PNMA6E: variants seen among roughly 807,000 people sequenced by gnomAD.
The protein encoded by PNMA6E is paraneoplastic antigen Ma6E.
For synonymous variants in PNMA6E, 43 were observed against 17.1 expected (o/e 2.52, Z -3.74); for missense variants, 78 against 50.8 (o/e 1.53, Z -1.63).
the PNMA6E span, among the ~76,000 whole-genome samples, chrX:153,412,960 C>G: frequency 1.8e-5 from 2 of 111,916 alleles, no homozygotes; most frequent in South Asian, 7.5e-4. Flanking sequence ...AGGACTTTTT[C>G]AGGCTAGGCT....
intron 1 of PNMA6E, among the ~76,000 whole-genome samples, chrX:153,399,801 A>G (rs1556970972): frequency 9.0e-6 from 1 of 111,635 alleles, no homozygotes; most frequent in East Asian, 2.8e-4. Context: ...AGCTTCTTTA[A>G]ATGGACTGTT....
the PNMA6E span, among the ~76,000 whole-genome samples, chrX:153,411,511 C>G: frequency 8.9e-6 from 1 of 112,098 alleles, no homozygotes; most frequent in Non-Finnish European, 1.9e-5. Context: ...CAGACTGAGA[C>G]TCCCCTTCAG....
chrX:153,401,885 C>T (rs1289950901), upstream of PNMA6E, among the ~76,000 whole-genome samples: 9 of 86,586 alleles, frequency 1.0e-4, no homozygotes, highest in Non-Finnish European at 1.5e-4. Context: ...GCTGCAGTGG[C>T]GCAATTTCGG....
At chrX:153,409,563 T>C in the PNMA6E span, among the ~76,000 whole-genome samples, 8 of 113,147 alleles carry the variant, frequency 7.1e-5, no homozygotes, top group Non-Finnish European at 1.5e-4. Flanking sequence ...ATCGTGGGCT[T>C]GTCAAGGTCG....
At chrX:153,402,070 G>C (rs988884119), upstream of PNMA6E, among the ~76,000 whole-genome samples, 1 of 110,665 alleles carries the variant, frequency 9.0e-6, no homozygotes, top group Non-Finnish European at 1.9e-5. Context: ...TGATCCGCCC[G>C]CCTCGGCCTC....
intron 1 of PNMA6E, 100 bp from the exon 2 acceptor site, chrX:153,399,020 C>T (rs1460228731): frequency 1.0e-5 from 3 of 291,036 alleles, no homozygotes; most frequent in Non-Finnish European, 1.8e-5. Flanking sequence ...GCTGGAGTTC[C>T]TCTGCCTCCT....
At chrX:153,401,441 T>G, upstream of PNMA6E, 1 of 111,635 alleles carries the variant, frequency 9.0e-6, no homozygotes, top group Middle Eastern at 4.6e-3. Flanking sequence ...GAAAGAAAGT[T>G]CCAGACTGGT....
the PNMA6E span, among the ~76,000 whole-genome samples, chrX:153,409,878 C>T: frequency 5.3e-5 from 6 of 112,349 alleles, no homozygotes; most frequent in South Asian, 3.7e-4. Flanking sequence ...CAAGGTCGCC[C>T]CAGTCCCCAC....
At chrX:153,405,956 CT>C (rs1360865481), upstream of PNMA6E, among the ~76,000 whole-genome samples, 4 of 112,334 alleles carry the variant, frequency 3.6e-5, no homozygotes, top group African/African-American at 1.3e-4. Context: ...TCCTCCAAGC[CT>C]ACTCTTCTGA....
Position 153,396,661 on chromosome X carries a change from T to G in PNMA6E, c.*245A>C. ...GGCCAGCCCCCCGTGGCGGCAGGGT[T>G]TGGGGCTGGGGCTGGGTGTGCTGGG... On this transcript the variant is annotated 3_prime_UTR_variant, in exon 2 of 2. Coordinates refer to ENST00000445091, the MANE Select transcript of PNMA6E (RefSeq NM_001367770.1). 1 of 221,540 alleles carries G rather than the reference T, an allele frequency of 4.5e-6. No individual in the cohort carries two copies. The highest frequency in any genetic ancestry group is 8.2e-6 in the Non-Finnish European group (1 of 122,386). 18.3% of individuals were successfully genotyped at this position (221,540 alleles called of 1,213,427 possible). A position where few individuals can be genotyped will look rare whatever the true frequency, so the allele number is the denominator to read the frequency against.
the PNMA6E span, among the ~76,000 whole-genome samples, chrX:153,411,994 TC>T: frequency 8.9e-6 from 1 of 112,812 alleles, no homozygotes; most frequent in African/African-American, 3.2e-5. Context: ...CTAAAGAGCA[TC>T]CTGTCGCTGA....
Position 153,397,384 on chromosome X carries a change from C to G in PNMA6E, c.1466G>C (p.Arg489Pro). ...PGFLGLLRLI[R>P]EMEAWAAFPA... is the part of the protein sequence containing the mutation. The stretch of plus-strand genomic sequence containing the variant: ...GAAGGCTGCCCATGCCTCCATCTCC[C>G]GGATGAGCCGGAGCAGCCCCAGGAA... Residue 489 changes from arginine (R) to proline (P), a missense_variant, in exon 2 of 2, where the codon CGG becomes CCG. Arg to Pro is a moderately radical substitution (Grantham distance 103). Coordinates refer to ENST00000445091, the MANE Select transcript of PNMA6E (RefSeq NM_001367770.1). 1 of 298,179 alleles carries G rather than the reference C, an allele frequency of 3.4e-6. No homozygotes were observed. The highest frequency in any genetic ancestry group is 5.9e-6 in the Non-Finnish European group (1 of 170,459). The allele number at this position is 298,179 out of a possible 1,213,427, so 24.6% of individuals were successfully genotyped here.
upstream of PNMA6E, among the ~76,000 whole-genome samples, chrX:153,405,298 A>G (rs1224474209): frequency 8.9e-6 from 1 of 112,190 alleles, no homozygotes; most frequent in East Asian, 2.8e-4. Flanking sequence ...TGCAGTTATC[A>G]TAGGTGACTA....
At chrX:153,412,766 G>A in the PNMA6E span, among the ~76,000 whole-genome samples, 9 of 111,525 alleles carry the variant, frequency 8.1e-5, no homozygotes, top group African/African-American at 2.9e-4. Flanking sequence ...AGGTCAGGAA[G>A]GGTTGTGTGA....
chrX:153,403,630 A>C (rs1461911519), upstream of PNMA6E, among the ~76,000 whole-genome samples: 2 of 111,574 alleles, frequency 1.8e-5, no homozygotes, highest in African/African-American at 6.5e-5. Flanking sequence ...ATCAGTGAGC[A>C]GTGAGATGGG....
the PNMA6E span, among the ~76,000 whole-genome samples, chrX:153,410,662 T>C: frequency 2.7e-5 from 3 of 112,879 alleles, no homozygotes; most frequent in Non-Finnish European, 5.6e-5. Flanking sequence ...TAAGTGCTCC[T>C]GGCCAGGGCC....
intron 1 of PNMA6E, among the ~76,000 whole-genome samples, chrX:153,399,966 T>C (rs1297252909): frequency 3.6e-5 from 4 of 112,578 alleles, no homozygotes; most frequent in Non-Finnish European, 5.6e-5. Flanking sequence ...GGTGATTTCA[T>C]CTTTGACCCA....
upstream of PNMA6E, among the ~76,000 whole-genome samples, chrX:153,405,111 C>T (rs1602880662): frequency 8.9e-6 from 1 of 112,773 alleles, no homozygotes; most frequent in African/African-American, 3.2e-5. Context: ...CAAGTTTTAA[C>T]AAGATGCCCC....
upstream of PNMA6E, among the ~76,000 whole-genome samples, chrX:153,402,566 T>C (rs1426896196): frequency 5.3e-5 from 6 of 112,205 alleles, no homozygotes. Flanking sequence ...TACCTTAAAC[T>C]GTCATGTGTA....
Sources: gnomAD v4.1 joint callset for allele counts (sites outside exome capture counted in the v4.1 genomes callset) on GRCh38, gnomAD v4.1.1 for gene constraint, MANE v1.5 for transcripts, NCBI Gene and HGNC (gene_info 2026-07-23, HGNC 2026-07-21) for gene names.